Variants in SIPA1L1 observed in about 807,000 individuals in gnomAD.
SIPA1L1 encodes signal induced proliferation associated 1 like 1, also known as signal-induced proliferation-associated 1-like protein 1.
A neutral mutation model predicts 162.7 loss-of-function variants in SIPA1L1; 26 were observed. The observed-to-expected ratio is 0.16, with a 90% confidence interval of 0.12 to 0.22. The LOEUF (loss-of-function observed/expected upper bound fraction) is 0.22. Ranked by LOEUF, SIPA1L1 falls within the 10% of genes least tolerant of loss-of-function variation. SIPA1L1 has a pLI of 1.00. For synonymous variants in SIPA1L1, 829 were observed against 837.4 expected (o/e 0.99, Z 0.17); for missense variants, 1,874 against 2,241.0 (o/e 0.84, Z 3.31).
chr14:71,485,835 T>C (rs1313721704), intron 2 of SIPA1L1, among the ~76,000 whole-genome samples: 1 of 152,138 alleles, frequency 6.6e-6, no homozygotes, highest in East Asian at 1.9e-4. Flanking sequence ...TTGATTCTTA[T>C]CTAACAATTC....
intron 17 of SIPA1L1, among the ~76,000 whole-genome samples, chr14:71,711,535 A>G (rs1861968238): frequency 6.6e-6 from 1 of 152,202 alleles, no homozygotes; most frequent in African/African-American, 2.4e-5. Flanking sequence ...CTCTGGTCCA[A>G]TGTGATGGCA....
At chr14:71,716,656 A>G (rs945917041) in intron 17 of SIPA1L1, among the ~76,000 whole-genome samples, 3 of 152,136 alleles carry the variant, frequency 2.0e-5, no homozygotes, top group Non-Finnish European at 2.9e-5. Context: ...AGGCTTCCCA[A>G]TCCTGTGTGG....
At chr14:71,699,228 C>G in intron 14 of SIPA1L1, 101 bp downstream of exon 14, 1 of 1,151,820 alleles carries the variant, frequency 8.7e-7, no homozygotes, top group Non-Finnish European at 1.3e-6. Context: ...CAGCCTTGAT[C>G]AATTTGTAGA....
chr14:71,496,725 C>CTCCTT (rs61193689), intron 2 of SIPA1L1, among the ~76,000 whole-genome samples: 28,060 of 152,034 alleles, frequency 0.18, 3,071 homozygotes, highest in Middle Eastern at 0.36. Flanking sequence ...AATTGTCTCT[C>CTCCTT]TCAGTTCTGT....
At chr14:71,672,765 T>A in intron 12 of SIPA1L1, 143 bp downstream of exon 12, 2 of 945,816 alleles carry the variant, frequency 2.1e-6, no homozygotes, top group Non-Finnish European at 3.1e-6. Context: ...ATCCATGGAG[T>A]CTGACTCAGG....
At chr14:71,362,013 A>T (rs984017311) in intron 2 of SIPA1L1, among the ~76,000 whole-genome samples, 1 of 152,228 alleles carries the variant, frequency 6.6e-6, no homozygotes, top group Non-Finnish European at 1.5e-5. Context: ...TATTGGGTTC[A>T]TACTCCATTC....
intron 6 of SIPA1L1, among the ~76,000 whole-genome samples, chr14:71,621,922 A>G (rs536405517): frequency 6.6e-6 from 1 of 152,364 alleles, no homozygotes; most frequent in East Asian, 1.9e-4. Context: ...AATAATAAAT[A>G]ATCCATAAAT....
intron 2 of SIPA1L1, among the ~76,000 whole-genome samples, chr14:71,466,596 AC>A (rs1165210258): frequency 1.4e-4 from 21 of 150,906 alleles, no homozygotes; most frequent in African/African-American, 2.2e-4. Flanking sequence ...AAAAAAAAAA[AC>A]AGTAATAAAA....
chr14:71,539,433 T>C (rs763377466), intron 4 of SIPA1L1, among the ~76,000 whole-genome samples: 1 of 152,230 alleles, frequency 6.6e-6, no homozygotes, highest in Non-Finnish European at 1.5e-5. Flanking sequence ...AATGGAAAAC[T>C]ATTTGCACAT....
chr14:71,590,038 A>T (rs865908104), intron 5 of SIPA1L1, among the ~76,000 whole-genome samples: 1,781 of 66,528 alleles, frequency 0.027, 6 homozygotes, highest in African/African-American at 0.036. Flanking sequence ...AAAAAAAAAA[A>T]AAAAAAATAT....
At chr14:71,723,972 A>C in intron 18 of SIPA1L1, 86 bp downstream of exon 18, 2 of 1,525,986 alleles carry the variant, frequency 1.3e-6, no homozygotes, top group Non-Finnish European at 1.8e-6. Context: ...CTTACAACAA[A>C]AGAGGCCGGG....
chr14:71,462,132 A>G (rs1449818092), intron 2 of SIPA1L1, among the ~76,000 whole-genome samples: 1 of 152,252 alleles, frequency 6.6e-6, no homozygotes, highest in Non-Finnish European at 1.5e-5. Context: ...TTCAGGTTGC[A>G]TGGTGACTTG....
intron 19 of SIPA1L1, among the ~76,000 whole-genome samples, chr14:71,729,660 G>C (rs2084573589): frequency 6.6e-6 from 1 of 152,184 alleles, no homozygotes; most frequent in African/African-American, 2.4e-5. Context: ...TGGTAATCCT[G>C]AGAGGTTTTG....
chr14:71,469,130 C>T (rs2047249371), intron 2 of SIPA1L1, among the ~76,000 whole-genome samples: 1 of 151,676 alleles, frequency 6.6e-6, no homozygotes. Flanking sequence ...CCGCAGAGTC[C>T]ACTGGAGTCT....
At chr14:71,650,173 T>A (rs17091351) in intron 7 of SIPA1L1, 162 bp from the exon 8 acceptor site, 30,104 of 734,768 alleles carry the variant, frequency 0.041, 1,560 homozygotes, top group African/African-American at 0.2. Context: ...AGATACTTGC[T>A]CCACTTAATT....
At chr14:71,705,836 G>A (rs754429829) in intron 16 of SIPA1L1, among the ~76,000 whole-genome samples, 2 of 151,836 alleles carry the variant, frequency 1.3e-5, no homozygotes, top group South Asian at 2.1e-4. Context: ...TCATCCTTTC[G>A]CTATAGTAAT....
chr14:71,679,765 A>G (rs2045604459), intron 12 of SIPA1L1, among the ~76,000 whole-genome samples: 1 of 152,188 alleles, frequency 6.6e-6, no homozygotes, highest in Non-Finnish European at 1.5e-5. Context: ...AAAACAAAAA[A>G]AGGCAGGGGT....
At chr14:71,422,569 A>T (rs1438796563) in intron 2 of SIPA1L1, among the ~76,000 whole-genome samples, 1 of 152,236 alleles carries the variant, frequency 6.6e-6, no homozygotes, top group East Asian at 1.9e-4. Context: ...AAGTGAAATC[A>T]TCATACATTA....
At chr14:71,605,658 C>G (rs2148155205) in intron 5 of SIPA1L1, among the ~76,000 whole-genome samples, 1 of 152,264 alleles carries the variant, frequency 6.6e-6, no homozygotes, top group Admixed American at 6.5e-5. Flanking sequence ...TAAGTTGTGT[C>G]TGTGATTTCC....
Sources: allele counts gnomAD v4.1 joint callset (sites outside exome capture counted in the v4.1 genomes callset), GRCh38; gene constraint gnomAD v4.1.1; transcripts MANE v1.5; gene names NCBI Gene and HGNC (gene_info 2026-07-23, HGNC 2026-07-21).